The following NBAS variants were observed in gnomAD, a reference collection of about 807,000 sequenced individuals.
NBAS encodes NAG/BC035112 fusion.
NBAS carries 219 observed loss-of-function variants against 302.5 expected under a neutral mutation model. The ratio of observed to expected loss-of-function variants is 0.72; its 90% CI spans 0.65 to 0.81. The LOEUF is 0.81. Among genes scored for constraint, NBAS ranks in the 30% least tolerant of loss-of-function variants. NBAS has a pLI of 0.00. For missense variants in NBAS, 2,932 were observed against 2,841.6 expected, an observed-to-expected ratio of 1.03 and a Z score of -0.72; for synonymous variants, 1,118 against 1,021.6, an observed-to-expected ratio of 1.09 and a Z score of -1.80.
At chr2:15,209,824 T>A (rs1415805276) in intron 48 of NBAS, among the ~76,000 whole-genome samples, 12 of 152,030 alleles carry the variant, frequency 7.9e-5, no homozygotes. Context: ...AATCCAAGCA[T>A]CTACAGTAAA....
chr2:14,805,573 T>C, the NBAS span, among the ~76,000 whole-genome samples: 1 of 152,276 alleles, frequency 6.6e-6, no homozygotes, highest in South Asian at 2.1e-4. Context: ...AAATATGAAC[T>C]TGATGAGGAG....
intron 21 of NBAS, among the ~76,000 whole-genome samples, chr2:15,433,681 C>T (rs1328682720): frequency 6.6e-6 from 1 of 152,092 alleles, no homozygotes; most frequent in African/African-American, 2.4e-5. Context: ...ACGCTTCAAA[C>T]CAAGTTTTAA....
intron 48 of NBAS, among the ~76,000 whole-genome samples, chr2:15,200,507 A>G (rs2147827537): frequency 6.6e-6 from 1 of 152,272 alleles, no homozygotes; most frequent in East Asian, 1.9e-4. Context: ...CCCCTTCCAC[A>G]GTGAGTGTCA....
chr2:15,327,699 A>G (rs768860074), intron 38 of NBAS, 51 bp downstream of exon 38: 36 of 1,607,842 alleles, frequency 2.2e-5, no homozygotes, highest in Non-Finnish European at 2.8e-5. Context: ...TTGGTTAACA[A>G]TGTTCACCTA....
At chr2:14,815,189 A>G in the NBAS span, among the ~76,000 whole-genome samples, 1 of 152,200 alleles carries the variant, frequency 6.6e-6, no homozygotes, top group Non-Finnish European at 1.5e-5. Flanking sequence ...AATAATATAA[A>G]TGCCAAGCTT....
chr2:15,396,316 G>T, intron 27 of NBAS, 97 bp downstream of exon 27: 3 of 980,192 alleles, frequency 3.1e-6, no homozygotes, highest in Non-Finnish European at 4.6e-6. Flanking sequence ...TGAGGTTAAA[G>T]TAGAAACGAT....
At chr2:15,044,766 T>G in the NBAS span, among the ~76,000 whole-genome samples, 1 of 152,198 alleles carries the variant, frequency 6.6e-6, no homozygotes, top group African/African-American at 2.4e-5. Context: ...TGTAAACAAC[T>G]ATAAAGAGGT....
At chr2:14,857,384 GA>G in the NBAS span, among the ~76,000 whole-genome samples, 1 of 151,236 alleles carries the variant, frequency 6.6e-6, no homozygotes, top group Non-Finnish European at 1.5e-5. Flanking sequence ...AAGCAAAAAA[GA>G]AAAAAAATGT....
At chr2:14,782,937 T>A in the NBAS span, among the ~76,000 whole-genome samples, 1 of 151,972 alleles carries the variant, frequency 6.6e-6, no homozygotes, top group African/African-American at 2.4e-5. Flanking sequence ...AGGGGAATAA[T>A]AGACACTGAG....
the NBAS span, among the ~76,000 whole-genome samples, chr2:14,904,800 A>T: frequency 6.6e-6 from 1 of 152,228 alleles, no homozygotes; most frequent in Non-Finnish European, 1.5e-5. Flanking sequence ...CTGTAATCCC[A>T]GCACTTTGGG....
At chr2:15,165,943 C>T (rs190123012), downstream of NBAS, among the ~76,000 whole-genome samples, 214 of 152,346 alleles carry the variant, frequency 1.4e-3, no homozygotes, top group Admixed American at 3.1e-3. Flanking sequence ...AAGACCAGCA[C>T]GCCTTAGTGT....
At position 15,541,936 on chromosome 2, in the gene NBAS, C is replaced by T. The variant is rs1354399038; in HGVS notation, c.380-2580G>A. ...TTCAGCCCCCCGCCCGGCCAGCCGC[C>T]CCGTCCGGGAGGGAGGTGGGGGGGT... On this transcript the variant is annotated intron_variant, in intron 6 of 51. Transcript: ENST00000281513. Among the ~76,000 whole-genome samples the T allele has an allele frequency of 6.3e-5, 4 of 63,968 alleles. 1 individual carries two copies. The highest frequency in any genetic ancestry group is 1.5e-4 in the Admixed American group (1 of 6,890). The allele number at this position is 63,968 out of a possible 152,430, so 42.0% of individuals were successfully genotyped here. A position where few individuals can be genotyped will look rare whatever the true frequency, so the allele number is the denominator to read the frequency against.
At chr2:15,243,384 C>G (rs950796141) in intron 44 of NBAS, among the ~76,000 whole-genome samples, 2 of 151,988 alleles carry the variant, frequency 1.3e-5, no homozygotes, top group African/African-American at 2.4e-5. Context: ...GGTGCCAATA[C>G]AAAATGATGG....
chr2:15,049,055 C>T, the NBAS span, among the ~76,000 whole-genome samples: 4 of 152,216 alleles, frequency 2.6e-5, no homozygotes, highest in East Asian at 7.7e-4. Context: ...AGGGACTTTG[C>T]AGGCAGGTGG....
the NBAS span, among the ~76,000 whole-genome samples, chr2:14,796,968 C>A: frequency 6.7e-6 from 1 of 149,688 alleles, no homozygotes; most frequent in East Asian, 2.0e-4. Flanking sequence ...CGGGCGCCTG[C>A]AGTTCCAGCT....
intron 12 of NBAS, among the ~76,000 whole-genome samples, chr2:15,484,540 C>T (rs1328036268): frequency 6.6e-6 from 1 of 152,120 alleles, no homozygotes; most frequent in African/African-American, 2.4e-5. Flanking sequence ...AAAAAATTTG[C>T]CACCTCCAGC....
the NBAS span, among the ~76,000 whole-genome samples, chr2:15,087,376 GTAGT>G: frequency 6.6e-6 from 1 of 152,216 alleles, no homozygotes; most frequent in Admixed American, 6.5e-5. Context: ...ATAGTAAGAA[GTAGT>G]TAGAGAAGAC....
chr2:14,992,795 A>C, the NBAS span, among the ~76,000 whole-genome samples: 1 of 152,084 alleles, frequency 6.6e-6, no homozygotes, highest in Admixed American at 6.6e-5. Context: ...ACTCTCCTCC[A>C]CCACCACCTA....
chr2:15,458,153 G>T (rs1337799386), intron 21 of NBAS, among the ~76,000 whole-genome samples: 1 of 152,166 alleles, frequency 6.6e-6, no homozygotes, highest in Non-Finnish European at 1.5e-5. Context: ...AGAAGGAAAT[G>T]AGGGAAAAAG....
Sources: gnomAD v4.1 joint callset for allele counts (sites outside exome capture counted in the v4.1 genomes callset) on GRCh38, gnomAD v4.1.1 for gene constraint, MANE v1.5 for transcripts, NCBI Gene and HGNC (gene_info 2026-07-23, HGNC 2026-07-21) for gene names.